CADPS2: variants seen among roughly 807,000 people sequenced by gnomAD.
CADPS2 encodes calcium dependent secretion activator 2.
Under a neutral mutation model 172.5 loss-of-function variants are expected in CADPS2, and 93 were observed. The ratio of observed to expected loss-of-function variants is 0.54; its 90% confidence interval spans 0.46 to 0.64. The LOEUF is 0.64. CADPS2 is among the 30% of genes least tolerant of loss of function. CADPS2 has a pLI of 0.00. For synonymous variants in CADPS2, 546 were observed against 555.2 expected (o/e 0.98, Z 0.23); for missense variants, 1,420 against 1,565.9 (o/e 0.91, Z 1.57).
intron 3 of CADPS2, among the ~76,000 whole-genome samples, chr7:122,630,984 C>G (rs1028203359): frequency 1.3e-5 from 2 of 152,076 alleles, no homozygotes; most frequent in African/African-American, 4.8e-5. Flanking sequence ...AAACAAGTTT[C>G]TCTTCACTGT....
chr7:122,704,625 A>G (rs992008762), intron 2 of CADPS2, among the ~76,000 whole-genome samples: 2 of 152,050 alleles, frequency 1.3e-5, no homozygotes, highest in Admixed American at 1.3e-4. Flanking sequence ...GGTTGAAAGG[A>G]CCAATTTGAG....
chr7:122,611,676 C>A (rs960609474), intron 6 of CADPS2, among the ~76,000 whole-genome samples: 4 of 151,884 alleles, frequency 2.6e-5, no homozygotes, highest in African/African-American at 9.7e-5. Flanking sequence ...ATTCTTCATA[C>A]CTTTGAAAAA....
Position 122,388,607 on chromosome 7 carries a change from TC to T in CADPS2, c.3139del (p.Asp1047IlefsTer3). The T allele has an allele frequency of 6.2e-7, 1 of 1,605,478 alleles. No individual in the cohort carries two copies. The highest frequency in any genetic ancestry group is 1.3e-5 in the African/African-American group (1 of 74,852). ...CCTTTTGACACAGGCCTCTAGCATA[TC>T]ACTGGCCATTAGTTTAAGTCTTTGC... The part of the protein sequence containing the change: ...LEQRLKLMAS[D>X]MLEACVKRTR... On this transcript the variant is annotated frameshift_variant, in exon 23 of 30. Transcript: ENST00000449022. LOFTEE classifies it high-confidence loss of function.
At chr7:122,803,974 G>GAAAAAAA (rs869246600) in intron 1 of CADPS2, among the ~76,000 whole-genome samples, 2 of 85,122 alleles carry the variant, frequency 2.3e-5, no homozygotes, top group African/African-American at 8.6e-5. Flanking sequence ...GGCTTGAATG[G>GAAAAAAA]AAAAAAAAAA....
chr7:122,409,029 T>A (rs187382486), intron 19 of CADPS2, among the ~76,000 whole-genome samples: 38 of 152,306 alleles, frequency 2.5e-4, no homozygotes, highest in Non-Finnish European at 2.6e-4. Flanking sequence ...AATATATGAA[T>A]GTGAAAACTG....
intron 1 of CADPS2, among the ~76,000 whole-genome samples, chr7:122,856,626 G>A (rs1815317612): frequency 6.6e-6 from 1 of 151,640 alleles, no homozygotes; most frequent in Non-Finnish European, 1.5e-5. Context: ...ACAATACTGG[G>A]GCCAGCAATG....
intron 3 of CADPS2, among the ~76,000 whole-genome samples, chr7:122,635,286 TA>T (rs1461556371): frequency 6.6e-6 from 1 of 150,608 alleles, no homozygotes; most frequent in Admixed American, 6.6e-5. Context: ...TTTTTTTAAT[TA>T]TTATTATTAT....
rs1049700981 is a variant in CADPS2 at position 122,435,953 on chromosome 7, G to A, written c.2476+2388C>T. Among the ~76,000 whole-genome samples the A allele has an allele frequency of 1.3e-5, 2 of 152,108 alleles. 1 individual carries two copies. Among genetic ancestry groups the A allele is most frequent in the South Asian group, 4.1e-4 (2 of 4,830 alleles). On this transcript the variant is annotated intron_variant, in intron 17 of 29. Coordinates refer to ENST00000449022, the MANE Select transcript of CADPS2 (RefSeq NM_017954.11). Reference sequence around the variant, plus strand: ...AGAAGCAGAGAGTAGAACAGTCACTGCTAGGGGCTGGGAGAAGAGAACATG... The same window carrying A: ...AGAAGCAGAGAGTAGAACAGTCACTACTAGGGGCTGGGAGAAGAGAACATG...
rs1333504309 is a variant in CADPS2 at position 122,397,376 on chromosome 7, T to A, written c.2747-3794A>T. Reference sequence around the variant, plus strand: ...TTAGAAAATTGGCAGTATTATTTCATTGGTAATTAGAGAGAAAGGGGAAGG... The same window carrying A: ...TTAGAAAATTGGCAGTATTATTTCAATGGTAATTAGAGAGAAAGGGGAAGG... On this transcript the variant is annotated intron_variant, in intron 20 of 29. Transcript: ENST00000449022. Among the ~76,000 whole-genome samples, 4 of 144,404 alleles carry A rather than the reference T, an allele frequency of 2.8e-5. No individual in the cohort carries two copies. The East Asian group carries it at 8.1e-4, about 29-fold the overall frequency. The allele number at this position is 144,404 out of a possible 152,430, so 94.7% of individuals were successfully genotyped here. A position where few individuals can be genotyped will look rare whatever the true frequency, so the allele number is the denominator to read the frequency against.
rs577194982 is a variant in CADPS2 at position 122,428,826 on chromosome 7, T to C, written c.2476+9515A>G. On this transcript the variant is annotated intron_variant, in intron 17 of 29. Coordinates refer to ENST00000449022, the MANE Select transcript of CADPS2 (RefSeq NM_017954.11). ...AATGGGAAGTTTGCCTAAAGAACTT[T>C]TGCATATTGAAGTACAATGAATGAC... 2.0e-5 allele frequency among the ~76,000 whole-genome samples: 3 copies of C among 152,256 alleles called. No individual in the cohort carries two copies. In the South Asian group the frequency reaches 6.2e-4, roughly 32 times the overall value.
At chr7:122,569,607 C>G (rs1282470481) in intron 7 of CADPS2, among the ~76,000 whole-genome samples, 1 of 126,568 alleles carries the variant, frequency 7.9e-6, no homozygotes, top group Non-Finnish European at 1.6e-5. Flanking sequence ...AAGCTGGAGG[C>G]ATCACACTAC....
At chr7:122,349,305 AAT>A (rs945219854) in intron 27 of CADPS2, among the ~76,000 whole-genome samples, 2 of 152,172 alleles carry the variant, frequency 1.3e-5, no homozygotes, top group Admixed American at 1.3e-4. Flanking sequence ...TAGTTTTCTT[AAT>A]ATGAGAAAAA....
chr7:122,590,653 T>C (rs1047995947), intron 6 of CADPS2, among the ~76,000 whole-genome samples: 3 of 151,830 alleles, frequency 2.0e-5, no homozygotes, highest in African/African-American at 7.2e-5. Flanking sequence ...GGCAGCCCAA[T>C]ACTTTAAACT....
intron 19 of CADPS2, among the ~76,000 whole-genome samples, chr7:122,412,467 G>A (rs2047424158): frequency 6.6e-6 from 1 of 152,278 alleles, no homozygotes; most frequent in East Asian, 1.9e-4. Flanking sequence ...TTCAGATACT[G>A]ATATTTAGGG....
intron 1 of CADPS2, among the ~76,000 whole-genome samples, chr7:122,821,442 C>G (rs1168708483): frequency 1.3e-5 from 2 of 152,148 alleles, no homozygotes; most frequent in East Asian, 3.9e-4. Flanking sequence ...ACACATCAAG[C>G]TCAAGGATTT....
At chr7:122,825,236 T>C (rs773911903) in intron 1 of CADPS2, among the ~76,000 whole-genome samples, 1 of 152,200 alleles carries the variant, frequency 6.6e-6, no homozygotes, top group African/African-American at 2.4e-5. Context: ...AAATCCCATC[T>C]GTAGTATTTC....
chr7:122,786,435 G>T lies in CADPS2; in HGVS notation c.340-49367C>A, dbSNP rs574297145. Among the ~76,000 whole-genome samples the T allele has an allele frequency of 3.3e-5, 5 of 152,286 alleles. No individual in the cohort carries two copies. The South Asian group carries it at 1.0e-3, about 32-fold the overall frequency. On this transcript the variant is annotated intron_variant, in intron 1 of 29. Coordinates refer to ENST00000449022, the MANE Select transcript of CADPS2 (RefSeq NM_017954.11). ...ATAAGCAGTACATTTATAAATTATA[G>T]ATGTTCAGCTGGAGGAGGGTGAATA...
chr7:122,426,461 T>G (rs1407474084), intron 17 of CADPS2, among the ~76,000 whole-genome samples: 2 of 152,246 alleles, frequency 1.3e-5, no homozygotes, highest in African/African-American at 4.8e-5. Context: ...AATGTGTGTC[T>G]TTTAAAAAGC....
chr7:122,474,458 G>A lies in CADPS2; in HGVS notation c.1921C>T (p.Leu641Phe), dbSNP rs777250744. The A allele has an allele frequency of 6.2e-7, 1 of 1,613,346 alleles. No individual in the cohort carries two copies. The highest frequency in any genetic ancestry group is 8.5e-7 in the Non-Finnish European group (1 of 1,179,600). ...DEFISANPCKLDHAFLFRILQ... is the reference protein window; with the variant it reads ...DEFISANPCKFDHAFLFRILQ... ...ATTCTAAAAAGGAAGGCATGATCAAGCTTGCAGGGGTTTGCAGAAATAAAC... is the reference window on the plus strand; with the variant it reads ...ATTCTAAAAAGGAAGGCATGATCAAACTTGCAGGGGTTTGCAGAAATAAAC... The change falls in exon 13 of 30, where the codon CTT (leucine) becomes TTT (phenylalanine). Residue 641 changes from leucine (L) to phenylalanine (F), a missense_variant. Coordinates refer to ENST00000449022, the MANE Select transcript of CADPS2 (RefSeq NM_017954.11).
Sources: gnomAD v4.1 joint callset for allele counts (sites outside exome capture counted in the v4.1 genomes callset) on GRCh38, gnomAD v4.1.1 for gene constraint, MANE v1.5 for transcripts, NCBI Gene and HGNC (gene_info 2026-07-23, HGNC 2026-07-21) for gene names.